Variants in FAM83C observed in about 807,000 individuals in gnomAD.
FAM83C encodes the protein protein FAM83C.
A neutral mutation model predicts 27.1 loss-of-function variants in FAM83C; 23 were observed. That is an observed-to-expected ratio of 0.85 (90% CI 0.61 to 1.20). The LOEUF (loss-of-function observed/expected upper bound fraction) is 1.20. Among genes scored for constraint, FAM83C ranks in the 50% most tolerant of loss-of-function variants. FAM83C has a pLI of 0.00. For missense variants in FAM83C, 984 were observed against 1,001.3 expected, an observed-to-expected ratio of 0.98 and a Z score of 0.23; for synonymous variants, 426 against 423.1, an observed-to-expected ratio of 1.01 and a Z score of -0.09.
chr20:35,287,200 C>A lies in FAM83C; in HGVS notation c.1579G>T (p.Val527Phe), dbSNP rs202063371. 14 of 1,611,150 alleles carry A rather than the reference C, an allele frequency of 8.7e-6. No individual in the cohort carries two copies. In the East Asian group the frequency reaches 2.9e-4, roughly 33 times the overall value. ...AREVGDPDSG[V>F]TPNSGPLRPG... ...CGAAGGGGGCCTGAGTTGGGGGTAA[C>A]CCCAGAGTCAGGGTCTCCCACTTCT... Residue 527 changes from valine (V) to phenylalanine (F), a missense_variant, in exon 4 of 4, where the codon GTT becomes TTT. Coordinates refer to ENST00000374408, the MANE Select transcript of FAM83C (RefSeq NM_178468.6).
rs763045864 is a variant in FAM83C at position 35,287,808 on chromosome 20, G to T, written c.971C>A (p.Pro324His). The change falls in exon 4 of 4, where the codon CCT (proline) becomes CAT (histidine). Residue 324 changes from proline (P) to histidine (H), a missense_variant. Coordinates refer to ENST00000374408, the MANE Select transcript of FAM83C (RefSeq NM_178468.6). ...CCTGAAGGCTAGGGCCACAGGGGGA[G>T]GACGCAGTGCCCGGGGAGACAGCGG... ...EDPLSPRALRPPPVALAFRPD... is the reference protein window; with the variant it reads ...EDPLSPRALRHPPVALAFRPD... The T allele has an allele frequency of 1.3e-6, 2 of 1,594,250 alleles. No individual in the cohort carries two copies. The highest frequency in any genetic ancestry group is 2.7e-5 in the African/African-American group (2 of 74,486).
chr20:35,287,054 A>G lies in FAM83C; in HGVS notation c.1725T>C (p.Pro575=), dbSNP rs773236189. 1 of 1,604,972 alleles carries G rather than the reference A, an allele frequency of 6.2e-7. No homozygotes were observed. The highest frequency in any genetic ancestry group is 1.1e-5 in the South Asian group (1 of 91,080). The stretch of plus-strand genomic sequence containing the variant: ...TCCTGTCCTCCAGGGCCCGATCACC[A>G]GGTCTGAGGGAACCCAACTCAGGGG... ...GGAPELGSLR[P]GDRALEDRRL... The change falls in exon 4 of 4, where the codon CCT becomes CCC. Residue 575 remains proline (P), a synonymous_variant. Coordinates refer to ENST00000374408, the MANE Select transcript of FAM83C (RefSeq NM_178468.6).
In FAM83C at chr20:35,287,623, G is replaced by C. The variant is rs146171749; in HGVS notation, c.1156C>G (p.Arg386Gly). ...VVSSSLGPAR[R>G]EASGQPSLHR... ...AGGGAGGGCTGGCCACTGGCCTCACGGCGGGCAGGACCCAGGGACGAGGAC... is the reference window on the plus strand; with the variant it reads ...AGGGAGGGCTGGCCACTGGCCTCACCGCGGGCAGGACCCAGGGACGAGGAC... Residue 386 changes from arginine (R) to glycine (G), a missense_variant, in exon 4 of 4, where the codon CGT (arginine) becomes GGT (glycine). Transcript: ENST00000374408. The C allele has an allele frequency of 6.2e-7, 1 of 1,613,908 alleles. No individual in the cohort carries two copies. The highest frequency in any genetic ancestry group is 1.3e-5 in the African/African-American group (1 of 74,910).
Position 35,287,578 on chromosome 20 carries a change from G to A in FAM83C, c.1201C>T (p.Pro401Ser). Residue 401 changes from proline to serine, a missense_variant, in exon 4 of 4, where the codon CCT becomes TCT. Coordinates refer to ENST00000374408, the MANE Select transcript of FAM83C (RefSeq NM_178468.6). ...QPSLHRQLSD[P>S]NHGSPPGLYR... ...AGCCCAGGAGGGGAGCCGTGGTTAG[G>A]GTCTGACAGTTGGCGATGTAGGGAG... is the stretch of plus-strand genomic sequence containing the variant. 2.5e-6 allele frequency: 4 copies of A among 1,614,116 alleles called. No homozygotes were observed. Among genetic ancestry groups the A allele is most frequent in the Non-Finnish European group, 2.5e-6 (3 of 1,179,994 alleles).
chr20:35,286,366 T>G lies in FAM83C; in HGVS notation c.*169A>C, dbSNP rs1425780599. On this transcript the variant is annotated 3_prime_UTR_variant, in exon 4 of 4. Coordinates refer to ENST00000374408, the MANE Select transcript of FAM83C (RefSeq NM_178468.6). ...AGATACTAGTTAGGGTGTGTGTGTG[T>G]GTGTGTGTGTGTGTGTGTGTACACA... 1.7e-6 allele frequency: 1 copy of G among 597,996 alleles called. No homozygotes were observed. 37.0% of individuals were successfully genotyped at this position (597,996 alleles called of 1,614,324 possible).
At chr20:35,288,032 G>T in intron 3 of FAM83C, 60 bp from the exon 4 acceptor site, 2 of 1,437,998 alleles carry the variant, frequency 1.4e-6, no homozygotes, top group Non-Finnish European at 1.9e-6. Flanking sequence ...GGGTCGGCAG[G>T]AGTCACAGCC....
intron 1 of FAM83C, among the ~76,000 whole-genome samples, chr20:35,290,111 G>A (rs2060842597): frequency 6.6e-6 from 1 of 152,204 alleles, no homozygotes; most frequent in African/African-American, 2.4e-5. Flanking sequence ...TGAAGCCACA[G>A]AGGTCTGGTG....
In FAM83C at chr20:35,287,487, TGGTTGA is replaced by T; in HGVS notation, c.1286_1291del (p.Leu429_Asn430del). 1 of 1,614,086 alleles carries T rather than the reference TGGTTGA, an allele frequency of 6.2e-7. No homozygotes were observed. The highest frequency in any genetic ancestry group is 1.1e-5 in the South Asian group (1 of 91,086). On this transcript the variant is annotated inframe_deletion, in exon 4 of 4. Transcript: ENST00000374408. ...CAAGGTTAAGGGGCTGGTACTATTATGGTTGAGGGCAGGGGAGGACTGGGACCATGG... is the reference window on the plus strand; with the variant it reads ...CAAGGTTAAGGGGCTGGTACTATTATGGGCAGGGGAGGACTGGGACCATGG...
chr20:35,286,889 C>G lies in FAM83C; in HGVS notation c.1890G>C (p.Leu630=). The part of the protein sequence containing the change: ...RRAPDERRQT[L]GHSQLDLITK... ...TGATGAGGTCCAGCTGGCTGTGCCC[C>G]AGGGTCTGCCGCCGCTCATCTGGTG... The change falls in exon 4 of 4, where the codon CTG becomes CTC. Residue 630 remains leucine (L), a synonymous_variant. Transcript: ENST00000374408. 6.2e-7 allele frequency: 1 copy of G among 1,614,228 alleles called. No individual in the cohort carries two copies.
Position 35,286,379 on chromosome 20 carries a change from G to A in FAM83C, c.*156C>T, listed in dbSNP as rs2060824315. 7.1e-5 allele frequency: 44 copies of A among 616,738 alleles called. 1 individual carries two copies. The South Asian group carries it at 8.7e-4, about 12-fold the overall frequency. 38.2% of individuals were successfully genotyped at this position (616,738 alleles called of 1,614,324 possible). A position where few individuals can be genotyped will look rare whatever the true frequency, so the allele number is the denominator to read the frequency against. On this transcript the variant is annotated 3_prime_UTR_variant, in exon 4 of 4. Coordinates refer to ENST00000374408, the MANE Select transcript of FAM83C (RefSeq NM_178468.6). ...GGTGTGTGTGTGTGTGTGTGTGTGT[G>A]TGTGTGTACACAAGAATCTTGAGCC...
rs2060851456 is a variant in FAM83C at position 35,292,375 on chromosome 20, G to T, written c.-71C>A. 2.8e-6 allele frequency: 4 copies of T among 1,433,316 alleles called. No individual in the cohort carries two copies. Among genetic ancestry groups the T allele is most frequent in the African/African-American group, 2.9e-5 (2 of 68,998 alleles). The allele number at this position is 1,433,316 out of a possible 1,614,324, so 88.8% of individuals were successfully genotyped here. On this transcript the variant is annotated 5_prime_UTR_variant, in exon 1 of 4. Transcript: ENST00000374408. ...CACGCTGGGCTGGCTGCAGCAGGAA[G>T]AGGAGACCAGCAGAACCGCCTTCTG...
rs781314153 is a variant in FAM83C, at chr20:35,287,404, C to T, written c.1375G>A (p.Ala459Thr). ...TCTGGGAACCGGGACAGAGCTGGGG[C>T]ACCCCGATGGAACTGGAGGAGGGGC... ...SRPLLQFHRG[A>T]PALSRFPENG... is the part of the protein sequence containing the mutation. Residue 459 changes from alanine to threonine, a missense_variant, in exon 4 of 4, where the codon GCC becomes ACC. Transcript: ENST00000374408. The T allele has an allele frequency of 1.5e-5, 25 of 1,614,060 alleles. No homozygotes were observed. The highest frequency in any genetic ancestry group is 2.1e-5 in the Non-Finnish European group (25 of 1,179,978).
intron 2 of FAM83C, 83 bp from the exon 3 acceptor site, chr20:35,288,668 C>G: frequency 2.5e-6 from 4 of 1,573,930 alleles, no homozygotes; most frequent in Non-Finnish European, 3.5e-6. Context: ...TAACCCCAGA[C>G]AGCTAAGGGA....
At chr20:35,289,492 C>T (rs1302495401) in intron 1 of FAM83C, among the ~76,000 whole-genome samples, 6 of 151,364 alleles carry the variant, frequency 4.0e-5, no homozygotes, top group Non-Finnish European at 7.4e-5. Flanking sequence ...AGGCATCCAC[C>T]ACCATGCCCA....
intron 1 of FAM83C, among the ~76,000 whole-genome samples, chr20:35,291,144 C>T (rs1460507750): frequency 6.6e-6 from 1 of 152,230 alleles, no homozygotes; most frequent in African/African-American, 2.4e-5. Context: ...CAAAGCCCAG[C>T]CCTCAAGGCC....
In FAM83C at chr20:35,287,165, C is replaced by G. The variant is rs759334324; in HGVS notation, c.1614G>C (p.Glu538Asp). 1 of 1,606,512 alleles carries G rather than the reference C, an allele frequency of 6.2e-7. No homozygotes were observed. Among genetic ancestry groups the G allele is most frequent in the South Asian group, 1.1e-5 (1 of 90,960 alleles). Residue 538 changes from glutamate (E) to aspartate (D), a missense_variant, in exon 4 of 4, where the codon GAG becomes GAC. Coordinates refer to ENST00000374408, the MANE Select transcript of FAM83C (RefSeq NM_178468.6). ...TPNSGPLRPG[E>D]QAPEDRRLSP... Reference sequence around the variant, plus strand: ...ACAACCTCCTGTCCTCTGGGGCCTGCTCGCCAGGCCGAAGGGGGCCTGAGT... The same window carrying G: ...ACAACCTCCTGTCCTCTGGGGCCTGGTCGCCAGGCCGAAGGGGGCCTGAGT...
At position 35,286,358 on chromosome 20, in the gene FAM83C, T is replaced by G. The variant is rs996156506; in HGVS notation, c.*177A>C. On this transcript the variant is annotated 3_prime_UTR_variant, in exon 4 of 4. Coordinates refer to ENST00000374408, the MANE Select transcript of FAM83C (RefSeq NM_178468.6). ...ATTCAAGAAGATACTAGTTAGGGTG[T>G]GTGTGTGTGTGTGTGTGTGTGTGTG... 9.6e-4 allele frequency: 355 copies of G among 367,928 alleles called. 1 individual carries two copies. Among genetic ancestry groups the G allele is most frequent in the Non-Finnish European group, 1.4e-3 (278 of 204,268 alleles). The allele number at this position is 367,928 out of a possible 1,614,324, so 22.8% of individuals were successfully genotyped here.
chr20:35,288,865 G>C lies in FAM83C; in HGVS notation c.607C>G (p.Leu203Val), dbSNP rs1294268127. 3.7e-6 allele frequency: 6 copies of C among 1,614,186 alleles called. No homozygotes were observed. The highest frequency in any genetic ancestry group is 5.1e-6 in the Non-Finnish European group (6 of 1,180,028). Residue 203 changes from leucine to valine, a missense_variant, in exon 2 of 4, where the codon CTC (leucine) becomes GTC (valine). By Grantham distance (32) the Leu-to-Val change is conservative. Transcript: ENST00000374408. The part of the protein sequence containing the change: ...SSRRGVPVYL[L>V]LAQEHLRHFL... ...TGCCTCAGGTGCTCCTGGGCAAGGA[G>C]CAGGTACACAGGGACACCACGCCGG...
In FAM83C at chr20:35,286,640, C is replaced by T; in HGVS notation, c.2139G>A (p.Leu713=). ...GGHLNGGNSD[L]VRDEKRLTLG... ...GGGTCAGCCGTTTCTCATCCCTGAC[C>T]AGGTCACTGTTACCACCATTGAGAT... Residue 713 remains leucine (L), a synonymous_variant, in exon 4 of 4, where the codon CTG becomes CTA. Transcript: ENST00000374408. 2 of 1,614,128 alleles carry T rather than the reference C, an allele frequency of 1.2e-6. No individual in the cohort carries two copies. Among genetic ancestry groups the T allele is most frequent in the South Asian group, 1.1e-5 (1 of 91,078 alleles).
Sources: allele counts gnomAD v4.1 joint callset (sites outside exome capture counted in the v4.1 genomes callset), GRCh38; gene constraint gnomAD v4.1.1; transcripts MANE v1.5; gene names NCBI Gene and HGNC (gene_info 2026-07-23, HGNC 2026-07-21).